Variants in PPHLN1 observed in about 807,000 individuals in gnomAD.
PPHLN1 encodes periphilin 1.
PPHLN1 carries 29 observed loss-of-function variants against 51.3 expected under a neutral mutation model. That is an observed-to-expected ratio of 0.57 (90% CI 0.42 to 0.77). PPHLN1 has a LOEUF of 0.77. Ranked by LOEUF, PPHLN1 falls within the 30% of genes least tolerant of loss-of-function variation. PPHLN1 has a pLI of 0.00. For synonymous variants in PPHLN1, 147 were observed against 147.8 expected (o/e 0.99, Z 0.04); for missense variants, 436 against 438.4 (o/e 0.99, Z 0.05).
At chr12:42,401,124 C>T (rs549936600) in intron 9 of PPHLN1, among the ~76,000 whole-genome samples, 1 of 152,188 alleles carries the variant, frequency 6.6e-6, no homozygotes, top group South Asian at 2.1e-4. Context: ...CTTGCTTGTA[C>T]CAGTCACCGT....
downstream of PPHLN1, chr12:42,445,027 ACT>A (rs1306134318): frequency 2.8e-6 from 2 of 701,896 alleles, no homozygotes; most frequent in Admixed American, 4.0e-5. Flanking sequence ...GACTCTGCTT[ACT>A]CTGTTTATTT....
At chr12:42,446,320 C>T (rs1352260339), downstream of PPHLN1, 2 of 1,546,314 alleles carry the variant, frequency 1.3e-6, no homozygotes. Context: ...TCTCACTTTG[C>T]CTGTTACCCG....
intron 4 of PPHLN1, among the ~76,000 whole-genome samples, chr12:42,360,339 G>GTT (rs542352056): frequency 2.9e-5 from 4 of 139,660 alleles, no homozygotes; most frequent in African/African-American, 7.8e-5. Context: ...TACAGGGCAA[G>GTT]TTTTTTTTTT....
chr12:42,378,289 T>C (rs550425111), intron 5 of PPHLN1, among the ~76,000 whole-genome samples: 39 of 152,266 alleles, frequency 2.6e-4, no homozygotes, highest in Non-Finnish European at 5.9e-5. Flanking sequence ...GTTTTCAGAA[T>C]AGTTACATAA....
intron 9 of PPHLN1, among the ~76,000 whole-genome samples, chr12:42,412,892 G>A (rs546159153): frequency 2.6e-5 from 4 of 151,988 alleles, no homozygotes; most frequent in African/African-American, 4.8e-5. Flanking sequence ...ACATTTTTTC[G>A]TATGTTTGTT....
At position 42,396,615 on chromosome 12, in the gene PPHLN1, C is replaced by CAAAAAAAAAAAAAAA. The variant is rs60131845; in HGVS notation, c.769-2220_769-2206dup. 2.5e-4 allele frequency among the ~76,000 whole-genome samples: 21 copies of CAAAAAAAAAAAAAAA among 85,488 alleles called. 1 individual carries two copies. Among genetic ancestry groups the CAAAAAAAAAAAAAAA allele is most frequent in the East Asian group, 1.3e-3 (3 of 2,326 alleles). The allele number at this position is 85,488 out of a possible 152,430, so 56.1% of individuals were successfully genotyped here. A position where few individuals can be genotyped will look rare whatever the true frequency, so the allele number is the denominator to read the frequency against. The stretch of plus-strand genomic sequence containing the variant: ...GCAATGTAGTAAGGTCTTGTCACTA[C>CAAAAAAAAAAAAAAA]AAAAAAAAAAAAAAAAAAAAAAAAA... On this transcript the variant is annotated intron_variant, in intron 8 of 9. Coordinates refer to ENST00000358314, the MANE Select transcript of PPHLN1 (RefSeq NM_201439.2).
At chr12:42,416,185 C>T (rs1321457855) in intron 9 of PPHLN1, among the ~76,000 whole-genome samples, 1 of 152,180 alleles carries the variant, frequency 6.6e-6, no homozygotes, top group East Asian at 1.9e-4. Context: ...CTGTACAAAT[C>T]TCGCCTCCTG....
intron 9 of PPHLN1, among the ~76,000 whole-genome samples, chr12:42,441,057 A>G (rs1373514342): frequency 1.3e-5 from 2 of 152,202 alleles, no homozygotes. Context: ...ACACTGACAA[A>G]TGCCATGCCA....
At chr12:42,383,816 T>C (rs1009149169) in intron 5 of PPHLN1, among the ~76,000 whole-genome samples, 3 of 150,996 alleles carry the variant, frequency 2.0e-5, no homozygotes, top group African/African-American at 7.3e-5. Flanking sequence ...TCGTCTCTAC[T>C]AAAAAATACA....
At chr12:42,402,144 T>C (rs139970709) in intron 9 of PPHLN1, among the ~76,000 whole-genome samples, 155 of 152,338 alleles carry the variant, frequency 1.0e-3, no homozygotes, top group African/African-American at 3.6e-3. Flanking sequence ...CGGCCCATTC[T>C]GAGGTTCTTA....
intron 9 of PPHLN1, among the ~76,000 whole-genome samples, chr12:42,418,559 T>G (rs930291301): frequency 1.3e-5 from 2 of 152,130 alleles, no homozygotes; most frequent in African/African-American, 4.8e-5. Flanking sequence ...CTCACTGTTC[T>G]GCAGTCATAG....
chr12:42,410,197 A>G (rs553065392), intron 9 of PPHLN1, among the ~76,000 whole-genome samples: 21 of 151,338 alleles, frequency 1.4e-4, no homozygotes, highest in African/African-American at 5.1e-4. Context: ...TTTTTGCAGT[A>G]CATTCTCTAT....
chr12:42,334,940 TAA>T (rs1339596863), intron 1 of PPHLN1, among the ~76,000 whole-genome samples: 1 of 152,248 alleles, frequency 6.6e-6, no homozygotes, highest in African/African-American at 2.4e-5. Flanking sequence ...TGAGTAGTTG[TAA>T]AAGAGATCTG....
intron 9 of PPHLN1, chr12:42,400,485 A>G (rs2078714949): frequency 6.6e-6 from 1 of 151,338 alleles, no homozygotes; most frequent in Admixed American, 6.6e-5. Context: ...AAAAAAAAAA[A>G]GAAATACTTG....
At chr12:42,364,323 A>G (rs531276102) in intron 4 of PPHLN1, among the ~76,000 whole-genome samples, 16 of 151,978 alleles carry the variant, frequency 1.1e-4, no homozygotes, top group South Asian at 6.2e-4. Flanking sequence ...CAAGTGGCCA[A>G]TATACTTTAC....
chr12:42,375,277 G>A, intron 5 of PPHLN1: 2 of 371,664 alleles, frequency 5.4e-6, no homozygotes, highest in Non-Finnish European at 9.6e-6. Flanking sequence ...GTGGCATTCT[G>A]CATGACACTT....
At chr12:42,383,197 T>C (rs1457447100) in intron 5 of PPHLN1, among the ~76,000 whole-genome samples, 1 of 152,238 alleles carries the variant, frequency 6.6e-6, no homozygotes, top group Non-Finnish European at 1.5e-5. Flanking sequence ...AGCAGTGTGT[T>C]GGTAAACTGA....
At chr12:42,444,184 T>C (rs1416215461), downstream of PPHLN1, 1 of 152,048 alleles carries the variant, frequency 6.6e-6, no homozygotes, top group Non-Finnish European at 1.5e-5. Context: ...TATCTTTACA[T>C]ACTAACTTCC....
At chr12:42,410,888 G>C (rs1329912956) in intron 9 of PPHLN1, among the ~76,000 whole-genome samples, 1 of 152,114 alleles carries the variant, frequency 6.6e-6, no homozygotes, top group South Asian at 2.1e-4. Context: ...GGGAAAGAAA[G>C]AAATTATTTT....
Sources: gnomAD v4.1 joint callset for allele counts (sites outside exome capture counted in the v4.1 genomes callset) on GRCh38, gnomAD v4.1.1 for gene constraint, MANE v1.5 for transcripts, NCBI Gene and HGNC (gene_info 2026-07-23, HGNC 2026-07-21) for gene names.